The following ADARB2 variants were observed in gnomAD, a reference collection of about 807,000 sequenced individuals.
ADARB2 encodes inactive double-stranded RNA-specific editase B2.
A neutral mutation model predicts 62.2 loss-of-function variants in ADARB2; 25 were observed. The ratio of observed to expected loss-of-function variants is 0.40; its 90% CI spans 0.29 to 0.56. The LOEUF (loss-of-function observed/expected upper bound fraction) is 0.56, where lower values mean the gene tolerates loss of function less well. Among genes scored for constraint, ADARB2 ranks in the 20% least tolerant of loss-of-function variants. The probability of loss-of-function intolerance (pLI) is 0.43; values close to 1 mark genes in which losing one functional copy is unlikely to be tolerated. For synonymous variants in ADARB2, 572 were observed against 500.8 expected (o/e 1.14, Z -1.90); for missense variants, 1,071 against 1,077.4 (o/e 0.99, Z 0.08).
At chr10:1,659,118 C>T (rs1834210948) in intron 1 of ADARB2, among the ~76,000 whole-genome samples, 1 of 141,090 alleles carries the variant, frequency 7.1e-6, no homozygotes, top group Non-Finnish European at 1.5e-5. Flanking sequence ...CAAATAACTG[C>T]TCAGCTATAA....
chr10:1,470,131 G>A lies in ADARB2; in HGVS notation c.101-90971C>T, dbSNP rs78428313. On this transcript the variant is annotated intron_variant, in intron 1 of 9. Coordinates refer to ENST00000381312, the MANE Select transcript of ADARB2 (RefSeq NM_018702.4). ...TCTGACCTGACCCTCTCCCAGCTGC[G>A]TCCATCCCGTCTCACACCTTCCTAG... Among the ~76,000 whole-genome samples the A allele has an allele frequency of 9.0e-3, 742 of 82,812 alleles. 7 individuals carry two copies. The highest frequency in any genetic ancestry group is 0.02 in the Non-Finnish European group (588 of 29,558). 54.3% of individuals were successfully genotyped at this position (82,812 alleles called of 152,430 possible).
chr10:1,562,628 G>T (rs1226178317), intron 1 of ADARB2, among the ~76,000 whole-genome samples: 5 of 152,336 alleles, frequency 3.3e-5, no homozygotes, highest in African/African-American at 1.2e-4. Context: ...TTCCTAAAAA[G>T]GAGAATGACA....
intron 1 of ADARB2, among the ~76,000 whole-genome samples, chr10:1,458,784 T>C (rs958662499): frequency 6.6e-6 from 1 of 152,198 alleles, no homozygotes; most frequent in East Asian, 1.9e-4. Flanking sequence ...GCGAACGTAG[T>C]TTTTTCCTCA....
chr10:1,580,988 T>A (rs1453489550), intron 1 of ADARB2, among the ~76,000 whole-genome samples: 3 of 152,226 alleles, frequency 2.0e-5, no homozygotes, highest in Non-Finnish European at 4.4e-5. Context: ...CTGAAGGGCA[T>A]CTTGGTTGCC....
intron 1 of ADARB2, among the ~76,000 whole-genome samples, chr10:1,406,447 G>C (rs1204274825): frequency 6.6e-6 from 1 of 152,164 alleles, no homozygotes; most frequent in Non-Finnish European, 1.5e-5. Flanking sequence ...AGGGGTCACT[G>C]AAGCCCACAG....
Position 1,311,591 on chromosome 10 carries a change from C to T in ADARB2, c.1078-40522G>A, listed in dbSNP as rs1831691647. 2.0e-5 allele frequency among the ~76,000 whole-genome samples: 3 copies of T among 152,194 alleles called. No homozygotes were observed. In the South Asian group the frequency reaches 6.2e-4, roughly 32 times the overall value. ...GACCTGGCCAAGGCGCCTAGAGTGT[C>T]CCCCTGCCTGCTCCATAGAGACCCC... is the stretch of plus-strand genomic sequence containing the variant. On this transcript the variant is annotated intron_variant, in intron 3 of 9. Coordinates refer to ENST00000381312, the MANE Select transcript of ADARB2 (RefSeq NM_018702.4).
At chr10:1,592,331 C>A (rs2132008694) in intron 1 of ADARB2, among the ~76,000 whole-genome samples, 2 of 144,912 alleles carry the variant, frequency 1.4e-5, no homozygotes, top group East Asian at 2.0e-4. Flanking sequence ...CTCGCCCAAG[C>A]CACCCTCCAT....
In ADARB2 at chr10:1,704,555, C is replaced by A. The variant is rs1197284073; in HGVS notation, c.100+32496G>T. 6.6e-6 allele frequency among the ~76,000 whole-genome samples: 1 copy of A among 152,144 alleles called. No homozygotes were observed. The highest frequency in any genetic ancestry group is 2.4e-5 in the African/African-American group (1 of 41,406). ...AGAGTGGCTGTAAATATAGATGAAG[C>A]CTTGCTCACTAACCTCCTGCTGTGC... On this transcript the variant is annotated intron_variant, in intron 1 of 9. Transcript: ENST00000381312. This position sits in a 1 kb window ranked among gnomAD's most constrained non-coding sequence, Gnocchi z 5.6.
At chr10:1,396,464 CGT>C (rs1042277403) in intron 1 of ADARB2, among the ~76,000 whole-genome samples, 3 of 152,158 alleles carry the variant, frequency 2.0e-5, no homozygotes, top group Admixed American at 2.0e-4. Flanking sequence ...TTGCCAGGCA[CGT>C]GCTGTGTCCC....
chr10:1,409,191 C>T (rs541390193), intron 1 of ADARB2, among the ~76,000 whole-genome samples: 1 of 93,932 alleles, frequency 1.1e-5, no homozygotes, highest in South Asian at 3.6e-4. Context: ...TTCCTCGACC[C>T]GCCCTGCCTG....
At chr10:1,520,578 G>A (rs138713879) in intron 1 of ADARB2, among the ~76,000 whole-genome samples, 6 of 152,148 alleles carry the variant, frequency 3.9e-5, no homozygotes, top group African/African-American at 1.4e-4. Flanking sequence ...TAGATGTAGG[G>A]AACATTTGCT....
intron 1 of ADARB2, among the ~76,000 whole-genome samples, chr10:1,413,483 G>A (rs1832776025): frequency 6.6e-6 from 1 of 152,212 alleles, no homozygotes; most frequent in Non-Finnish European, 1.5e-5. Context: ...AATGGCTTGT[G>A]TAACTGGAAT....
chr10:1,429,260 G>A (rs1356383015), intron 1 of ADARB2, among the ~76,000 whole-genome samples: 4 of 152,162 alleles, frequency 2.6e-5, no homozygotes, highest in African/African-American at 7.2e-5. Context: ...TTTTATGTTT[G>A]CACAAATCTC....
intron 1 of ADARB2, among the ~76,000 whole-genome samples, chr10:1,416,383 C>T (rs775252320): frequency 2.1e-4 from 32 of 152,194 alleles, no homozygotes; most frequent in Non-Finnish European, 3.7e-4. Flanking sequence ...GTTAAGGGGA[C>T]GCCAATCATT....
At chr10:1,710,030 C>A (rs1294896356) in intron 1 of ADARB2, among the ~76,000 whole-genome samples, 1 of 152,202 alleles carries the variant, frequency 6.6e-6, no homozygotes, top group Non-Finnish European at 1.5e-5. Flanking sequence ...GGGCTAATAA[C>A]CTTCTCTGCA....
intron 1 of ADARB2, among the ~76,000 whole-genome samples, chr10:1,409,627 G>GTGGTGCCGAGGCCTGGCTGTGGTCA (rs1383665648): frequency 0.011 from 1,621 of 142,006 alleles, 64 homozygotes; most frequent in East Asian, 0.063. Flanking sequence ...ATGATTGTCA[G>GTGGTGCCGAGGCCTGGCTGTGGTCA]TGGTGCCGAG....
At chr10:1,548,583 TAA>T (rs1430875514) in intron 1 of ADARB2, among the ~76,000 whole-genome samples, 2 of 152,168 alleles carry the variant, frequency 1.3e-5, no homozygotes, top group Non-Finnish European at 2.9e-5. Flanking sequence ...GCAGGGTGAA[TAA>T]AGTCTCACTA....
At chr10:1,256,927 A>G (rs1330100716) in intron 4 of ADARB2, among the ~76,000 whole-genome samples, 2 of 152,210 alleles carry the variant, frequency 1.3e-5, no homozygotes, top group Non-Finnish European at 2.9e-5. Flanking sequence ...ATGGCTGACA[A>G]GGTCTCCTCA....
intron 3 of ADARB2, among the ~76,000 whole-genome samples, chr10:1,280,640 T>C (rs1314939278): frequency 6.6e-6 from 1 of 150,742 alleles, no homozygotes; most frequent in African/African-American, 2.4e-5. Context: ...CTCCGTGAAA[T>C]TCCTGAGTGA....
Sources: gnomAD v4.1 joint callset for allele counts (sites outside exome capture counted in the v4.1 genomes callset) on GRCh38, gnomAD v4.1.1 for gene constraint, Gnocchi (gnomAD v3.1) non-coding constraint, MANE v1.5 for transcripts, NCBI Gene and HGNC (gene_info 2026-07-23, HGNC 2026-07-21) for gene names.